Variants in YIPF7 observed in about 807,000 individuals in gnomAD.
The protein encoded by YIPF7 is protein YIPF7.
YIPF7 carries 35 observed loss-of-function variants against 27.2 expected under a neutral mutation model. The ratio of observed to expected loss-of-function variants is 1.29; its 90% CI spans 0.98 to 1.70. The LOEUF is 1.70. Among genes scored for constraint, YIPF7 ranks in the 40% most tolerant of loss-of-function variants. The pLI is 0.00. For missense variants in YIPF7, 358 were observed against 303.7 expected (o/e 1.18, Z -1.33); for synonymous variants, 137 against 110.4 (o/e 1.24, Z -1.51).
intron 4 of YIPF7, among the ~76,000 whole-genome samples, chr4:44,626,560 A>G (rs978996548): frequency 6.6e-6 from 1 of 152,094 alleles, no homozygotes; most frequent in African/African-American, 2.4e-5. Flanking sequence ...TTTTCATGGC[A>G]GTTATGTGCT....
chr4:44,656,305 A>G (rs1713899718), upstream of YIPF7, among the ~76,000 whole-genome samples: 1 of 152,036 alleles, frequency 6.6e-6, no homozygotes, highest in Admixed American at 6.6e-5. Context: ...CAGGAATTAT[A>G]TACATTCTTC....
intron 1 of YIPF7, among the ~76,000 whole-genome samples, chr4:44,650,565 A>T (rs1713701482): frequency 1.3e-5 from 2 of 151,996 alleles, no homozygotes; most frequent in Admixed American, 6.6e-5. Context: ...CAAATGGCTG[A>T]TAATAATAAT....
chr4:44,648,763 T>C (rs1242508663), intron 2 of YIPF7, among the ~76,000 whole-genome samples: 1 of 152,168 alleles, frequency 6.6e-6, no homozygotes, highest in Non-Finnish European at 1.5e-5. Context: ...ATTTTTTTCA[T>C]AACAATTCCA....
chr4:44,630,483 G>A (rs1272142480), intron 3 of YIPF7, among the ~76,000 whole-genome samples: 1 of 152,172 alleles, frequency 6.6e-6, no homozygotes, highest in African/African-American at 2.4e-5. Flanking sequence ...AAGTGATCAT[G>A]ATGTGCATGC....
chr4:44,653,751 C>G (rs1008785844), upstream of YIPF7, among the ~76,000 whole-genome samples: 5 of 151,982 alleles, frequency 3.3e-5, no homozygotes, highest in Non-Finnish European at 1.5e-5. Context: ...TATATAGTGG[C>G]CAAATTTTGA....
chr4:44,638,447 CAT>C (rs1235657529), intron 2 of YIPF7, among the ~76,000 whole-genome samples: 2 of 149,728 alleles, frequency 1.3e-5, no homozygotes, highest in Non-Finnish European at 3.0e-5. Context: ...GACCAACAAA[CAT>C]ATGAAAAAAT....
rs763671854 is a variant in YIPF7 at position 44,651,533 on chromosome 4, TTAG to T, written c.-2+18_-2+20del. 17 of 1,534,630 alleles carry T rather than the reference TTAG, an allele frequency of 1.1e-5. No individual in the cohort carries two copies. The Admixed American group carries it at 2.8e-4, about 26-fold the overall frequency. ...GTATTTTGTTTAAATGCCAAGTCTT[TTAG>T]AAGGATCAGACACATACCTCTGTTT... On this transcript the variant is annotated intron_variant, in intron 1 of 5. Transcript: ENST00000415895.
chr4:44,642,471 C>T (rs916020203), intron 2 of YIPF7, among the ~76,000 whole-genome samples: 3 of 151,932 alleles, frequency 2.0e-5, no homozygotes, highest in African/African-American at 4.8e-5. Context: ...TTAAATGTTT[C>T]ATCTCAATAA....
intron 3 of YIPF7, among the ~76,000 whole-genome samples, chr4:44,630,646 T>C (rs1226307204): frequency 1.3e-5 from 2 of 152,190 alleles, no homozygotes; most frequent in Non-Finnish European, 2.9e-5. Flanking sequence ...TCCAAATCCA[T>C]TTAGAAACTT....
chr4:44,649,875 T>C, intron 2 of YIPF7, 110 bp downstream of exon 2: 2 of 652,778 alleles, frequency 3.1e-6, no homozygotes, highest in South Asian at 4.4e-5. Context: ...GCAAGAAAGA[T>C]CAGACCCTTC....
rs1049671356 is a variant in YIPF7, at chr4:44,638,332, G to A, written c.117-2247C>T. Reference sequence around the variant, plus strand: ...ACTAGGCAAGCTTGCACTCAGGCCCGCCAGTCATGAGTGCATGTACCAGCC... The same window carrying A: ...ACTAGGCAAGCTTGCACTCAGGCCCACCAGTCATGAGTGCATGTACCAGCC... On this transcript the variant is annotated intron_variant, in intron 2 of 5. Transcript: ENST00000415895. Among the ~76,000 whole-genome samples the A allele has an allele frequency of 1.1e-4, 16 of 151,566 alleles. No individual in the cohort carries two copies. The East Asian group carries it at 2.7e-3, about 26-fold the overall frequency.
intron 2 of YIPF7, among the ~76,000 whole-genome samples, chr4:44,643,876 T>A (rs1405796904): frequency 6.6e-6 from 1 of 152,022 alleles, no homozygotes; most frequent in South Asian, 2.1e-4. Flanking sequence ...AGAGGATTTA[T>A]GGAAAAGCCT....
At chr4:44,630,146 T>C (rs1433056921) in intron 3 of YIPF7, among the ~76,000 whole-genome samples, 1 of 152,116 alleles carries the variant, frequency 6.6e-6, no homozygotes, top group African/African-American at 2.4e-5. Flanking sequence ...TCTTTTTTCT[T>C]CCATAGTGGC....
At chr4:44,658,202 G>T (rs2201066) in intron 2 of YIPF7, among the ~76,000 whole-genome samples, 82,824 of 151,928 alleles carry the variant, frequency 0.55, 23,552 homozygotes, top group Non-Finnish European at 0.64. Flanking sequence ...ACTAAGTCAT[G>T]AGGATGGAGC....
intron 2 of YIPF7, among the ~76,000 whole-genome samples, chr4:44,645,085 G>T (rs75265137): frequency 0.093 from 14,210 of 152,154 alleles, 815 homozygotes; most frequent in East Asian, 0.25. Flanking sequence ...GGGACTATGA[G>T]CCAATTAAAC....
intron 2 of YIPF7, among the ~76,000 whole-genome samples, chr4:44,638,780 A>G (rs2109588972): frequency 6.6e-6 from 1 of 152,220 alleles, no homozygotes; most frequent in East Asian, 1.9e-4. Context: ...CCAGTGTCCA[A>G]AAGTTTTCCC....
intron 3 of YIPF7, among the ~76,000 whole-genome samples, chr4:44,633,316 AT>A (rs1285515386): frequency 6.6e-6 from 1 of 152,224 alleles, no homozygotes; most frequent in African/African-American, 2.4e-5. Context: ...TTCTATTCAA[AT>A]TGAAAGACAT....
In YIPF7 at chr4:44,650,105, A is replaced by G. The variant is rs1277174660; in HGVS notation, c.-1-4T>C. On this transcript the variant is annotated splice_region_variant and splice_polypyrimidine_tract_variant and intron_variant, in intron 1 of 5. Transcript: ENST00000415895. ...AAATTGTGCCAAGTTTGACATCCTGAAAAATAAGAGTATGTTTTTAATAAG... is the reference window on the plus strand; with the variant it reads ...AAATTGTGCCAAGTTTGACATCCTGGAAAATAAGAGTATGTTTTTAATAAG... 2.7e-6 allele frequency: 4 copies of G among 1,498,496 alleles called. No homozygotes were observed. The allele number at this position is 1,498,496 out of a possible 1,614,324, so 92.8% of individuals were successfully genotyped here.
At chr4:44,654,110 C>T (rs972697151), upstream of YIPF7, among the ~76,000 whole-genome samples, 2 of 151,948 alleles carry the variant, frequency 1.3e-5, no homozygotes, top group Non-Finnish European at 2.9e-5. Flanking sequence ...TTTAGAAGTG[C>T]ATTAATGGAC....
Sources: gnomAD v4.1 joint callset for allele counts (sites outside exome capture counted in the v4.1 genomes callset) on GRCh38, gnomAD v4.1.1 for gene constraint, MANE v1.5 for transcripts, NCBI Gene and HGNC (gene_info 2026-07-23, HGNC 2026-07-21) for gene names.